DIP2B: variants seen among roughly 807,000 people sequenced by gnomAD.
The protein encoded by DIP2B is disco-interacting protein 2 homolog B.
Under a neutral mutation model 198.0 loss-of-function variants are expected in DIP2B, and 76 were observed. The observed-to-expected ratio is 0.38, with a 90% CI of 0.32 to 0.46. The LOEUF (loss-of-function observed/expected upper bound fraction) is 0.46. Among genes scored for constraint, DIP2B ranks in the 20% least tolerant of loss-of-function variants. The pLI, the probability that DIP2B is intolerant of heterozygous loss-of-function variation, is 0.99. For missense variants in DIP2B, 1,559 were observed against 1,978.4 expected, an observed-to-expected ratio of 0.79 and a Z score of 4.02; for synonymous variants, 701 against 739.1, an observed-to-expected ratio of 0.95 and a Z score of 0.84.
At chr12:50,544,366 G>C (rs1958356583) in intron 1 of DIP2B, among the ~76,000 whole-genome samples, 1 of 152,302 alleles carries the variant, frequency 6.6e-6, no homozygotes, top group South Asian at 2.1e-4. Flanking sequence ...GAGTGCAGTA[G>C]CACGGTCTCA....
intron 1 of DIP2B, among the ~76,000 whole-genome samples, chr12:50,532,863 G>A (rs1043990249): frequency 6.4e-4 from 98 of 152,216 alleles, no homozygotes; most frequent in African/African-American, 2.3e-3. Context: ...TCTTTCCTGT[G>A]TGAGAAAAAA....
At chr12:50,632,664 G>A (rs1938082320) in intron 2 of DIP2B, among the ~76,000 whole-genome samples, 1 of 151,070 alleles carries the variant, frequency 6.6e-6, no homozygotes, top group Non-Finnish European at 1.5e-5. Flanking sequence ...AGCCTCCTGA[G>A]TAGCCAGGAT....
At chr12:50,702,734 TAAAAAAAAAA>T (rs35373628) in intron 19 of DIP2B, among the ~76,000 whole-genome samples, 2 of 40,624 alleles carry the variant, frequency 4.9e-5, no homozygotes, top group African/African-American at 2.4e-4. Context: ...CCTCATCTCT[TAAAAAAAAAA>T]AAAAAAAAAA....
intron 1 of DIP2B, among the ~76,000 whole-genome samples, chr12:50,520,083 G>A (rs1327923622): frequency 1.4e-5 from 2 of 138,318 alleles, no homozygotes; most frequent in African/African-American, 5.3e-5. Flanking sequence ...TGTCACCCAG[G>A]CTGGAGTGCA....
At chr12:50,586,485 T>C (rs1017814635) in intron 1 of DIP2B, among the ~76,000 whole-genome samples, 109 of 152,232 alleles carry the variant, frequency 7.2e-4, no homozygotes, top group African/African-American at 2.6e-3. Flanking sequence ...TCTGATACTT[T>C]AAAAAAAACT....
chr12:50,623,966 A>G (rs1467412966), intron 1 of DIP2B, among the ~76,000 whole-genome samples: 1 of 152,236 alleles, frequency 6.6e-6, no homozygotes, highest in African/African-American at 2.4e-5. Context: ...AGCCACTGAT[A>G]TAGATGGTCT....
chr12:50,663,198 G>A (rs1264269430), intron 4 of DIP2B, among the ~76,000 whole-genome samples: 1 of 151,962 alleles, frequency 6.6e-6, no homozygotes, highest in Non-Finnish European at 1.5e-5. Flanking sequence ...AGGCTGAGGC[G>A]GGTGGATCAC....
chr12:50,688,084 C>T (rs1185594413), intron 12 of DIP2B, among the ~76,000 whole-genome samples: 1 of 151,788 alleles, frequency 6.6e-6, no homozygotes, highest in African/African-American at 2.4e-5. Flanking sequence ...TGATGATGCA[C>T]GTCTGTAGTC....
chr12:50,533,375 A>G (rs1958235214), intron 1 of DIP2B, among the ~76,000 whole-genome samples: 1 of 152,240 alleles, frequency 6.6e-6, no homozygotes, highest in South Asian at 2.1e-4. Context: ...TGTCAGCCTT[A>G]TCAGCCATTA....
intron 1 of DIP2B, among the ~76,000 whole-genome samples, chr12:50,553,670 C>A (rs957814709): frequency 6.6e-6 from 1 of 152,092 alleles, no homozygotes; most frequent in African/African-American, 2.4e-5. Flanking sequence ...TTGTTTCGTT[C>A]TGAGACAGGT....
chr12:50,683,886 C>T (rs779975545), intron 10 of DIP2B, among the ~76,000 whole-genome samples: 4 of 152,014 alleles, frequency 2.6e-5, no homozygotes, highest in Non-Finnish European at 4.4e-5. Context: ...TTGAGGTGGG[C>T]GGGTTGCGTG....
intron 1 of DIP2B, among the ~76,000 whole-genome samples, chr12:50,536,150 G>A (rs1009143885): frequency 7.3e-5 from 11 of 150,562 alleles, no homozygotes; most frequent in South Asian, 2.1e-4. Context: ...ATAGTGCCGC[G>A]ATAAACATAC....
chr12:50,506,265 A>C (rs988116077), intron 1 of DIP2B, among the ~76,000 whole-genome samples: 1 of 152,196 alleles, frequency 6.6e-6, no homozygotes, highest in Non-Finnish European at 1.5e-5. Context: ...GCATATTCTT[A>C]CTGAGTTCCT....
chr12:50,644,437 C>T (rs955604403), intron 3 of DIP2B, among the ~76,000 whole-genome samples: 3 of 152,124 alleles, frequency 2.0e-5, no homozygotes, highest in Non-Finnish European at 4.4e-5. Context: ...TTACCTTATT[C>T]AGCTCAAACA....
At chr12:50,592,706 G>C (rs538240943) in intron 1 of DIP2B, among the ~76,000 whole-genome samples, 2 of 152,208 alleles carry the variant, frequency 1.3e-5, no homozygotes, top group Admixed American at 1.3e-4. Context: ...TCGAACTCCT[G>C]ACCTTGTGAT....
intron 1 of DIP2B, among the ~76,000 whole-genome samples, chr12:50,622,933 A>T (rs1297124189): frequency 1.3e-5 from 2 of 150,140 alleles, no homozygotes; most frequent in African/African-American, 2.5e-5. Context: ...TTTTTACCCC[A>T]TCTAATGACC....
At chr12:50,507,480 C>T (rs1279218065) in intron 1 of DIP2B, among the ~76,000 whole-genome samples, 2 of 152,140 alleles carry the variant, frequency 1.3e-5, no homozygotes, top group African/African-American at 2.4e-5. Flanking sequence ...AAGGTTTGTT[C>T]GTTTTGCATT....
intron 9 of DIP2B, among the ~76,000 whole-genome samples, chr12:50,682,747 T>C (rs987085899): frequency 3.6e-4 from 54 of 152,106 alleles, no homozygotes; most frequent in African/African-American, 1.3e-3. Context: ...TTCTTTAATA[T>C]GCTGTTCTAT....
At chr12:50,634,045 C>A (rs1055853881) in intron 2 of DIP2B, among the ~76,000 whole-genome samples, 2 of 152,138 alleles carry the variant, frequency 1.3e-5, no homozygotes, top group Non-Finnish European at 2.9e-5. Context: ...AATGAAGATA[C>A]GGCAGATTCA....
Sources: gnomAD v4.1 joint callset for allele counts (sites outside exome capture counted in the v4.1 genomes callset) on GRCh38, gnomAD v4.1.1 for gene constraint, MANE v1.5 for transcripts, NCBI Gene and HGNC (gene_info 2026-07-23, HGNC 2026-07-21) for gene names.